The following USP12 variants were observed in gnomAD, a reference collection of about 807,000 sequenced individuals.
USP12 encodes ubiquitin specific peptidase 12, also known as ubiquitin carboxyl-terminal hydrolase 12.
In USP12, 19 loss-of-function variants were observed where a neutral mutation model predicts 45.5. The ratio of observed to expected loss-of-function variants is 0.42; its 90% CI spans 0.29 to 0.61. USP12 has a LOEUF of 0.61. USP12 is among the 20% of genes least tolerant of loss of function. The probability of loss-of-function intolerance (pLI) is 0.22; values close to 1 mark genes in which losing one functional copy is unlikely to be tolerated. For missense variants in USP12, 242 were observed against 447.7 expected, an observed-to-expected ratio of 0.54 and a Z score of 4.15; for synonymous variants, 149 against 148.8, an observed-to-expected ratio of 1.00 and a Z score of -0.01.
intron 1 of USP12, among the ~76,000 whole-genome samples, chr13:27,171,224 G>A (rs1157287061): frequency 6.7e-6 from 1 of 148,254 alleles, no homozygotes; most frequent in South Asian, 2.1e-4. Context: ...CCCTCACCCC[G>A]GCACAGGCCG....
chr13:27,125,691 C>T (rs527496063), intron 1 of USP12, among the ~76,000 whole-genome samples: 6 of 152,292 alleles, frequency 3.9e-5, no homozygotes, highest in African/African-American at 1.4e-4. Context: ...CAAGGGATTT[C>T]CCTTTCCTAG....
chr13:27,152,941 CAAAA>C (rs11306580), intron 1 of USP12, among the ~76,000 whole-genome samples: 3 of 92,832 alleles, frequency 3.2e-5, no homozygotes, highest in African/African-American at 4.3e-5. Flanking sequence ...GACTCCGTCT[CAAAA>C]AAAAAAAAAA....
intron 3 of USP12, among the ~76,000 whole-genome samples, chr13:27,105,271 C>T (rs1469442165): frequency 6.6e-6 from 1 of 152,148 alleles, no homozygotes; most frequent in East Asian, 1.9e-4. Context: ...GAGTGTGGCT[C>T]CTGGCAAGCC....
At chr13:27,096,060 A>C (rs892124049) in intron 3 of USP12, among the ~76,000 whole-genome samples, 6 of 152,244 alleles carry the variant, frequency 3.9e-5, no homozygotes, top group African/African-American at 1.4e-4. Flanking sequence ...TCCTGAGAAA[A>C]GGGCAAAACC....
intron 4 of USP12, among the ~76,000 whole-genome samples, chr13:27,093,830 A>G (rs988891462): frequency 6.6e-6 from 1 of 152,216 alleles, no homozygotes; most frequent in African/African-American, 2.4e-5. Flanking sequence ...TACAGTGGAA[A>G]TGTTGCTCAG....
At chr13:27,080,617 G>A (rs1410985736) in intron 6 of USP12, among the ~76,000 whole-genome samples, 5 of 152,186 alleles carry the variant, frequency 3.3e-5, no homozygotes, top group Admixed American at 3.3e-4. Context: ...AAGGAGCTTA[G>A]CTCCCAGCGT....
intron 6 of USP12, among the ~76,000 whole-genome samples, chr13:27,086,187 AAAAAAAAAAAATATATAT>A (rs1218256249): frequency 2.7e-5 from 2 of 72,882 alleles, no homozygotes; most frequent in African/African-American, 4.5e-5. Flanking sequence ...AAAAAAAAAA[AAAAAAAAAAAATATATAT>A]ATATATATAT....
chr13:27,163,152 A>C (rs1317234054), intron 1 of USP12, among the ~76,000 whole-genome samples: 1 of 152,076 alleles, frequency 6.6e-6, no homozygotes, highest in African/African-American at 2.4e-5. Context: ...ATTTTTACCA[A>C]CTCCATTGTT....
chr13:27,088,901 T>C (rs1874190214), intron 6 of USP12, among the ~76,000 whole-genome samples: 2 of 152,128 alleles, frequency 1.3e-5, no homozygotes. Flanking sequence ...CTCCAACACA[T>C]GGCACAAATC....
At chr13:27,106,813 ATGT>A (rs1271298930) in intron 2 of USP12, among the ~76,000 whole-genome samples, 1 of 152,150 alleles carries the variant, frequency 6.6e-6, no homozygotes, top group Non-Finnish European at 1.5e-5. Context: ...CTCTGAAAGA[ATGT>A]TGTTATAAAA....
chr13:27,130,163 C>T (rs1427902584), intron 1 of USP12, among the ~76,000 whole-genome samples: 1 of 152,162 alleles, frequency 6.6e-6, no homozygotes, highest in Non-Finnish European at 1.5e-5. Flanking sequence ...GCAGCGGGAA[C>T]CTTGCCCTCA....
At chr13:27,161,168 A>C (rs574601023) in intron 1 of USP12, among the ~76,000 whole-genome samples, 2 of 152,314 alleles carry the variant, frequency 1.3e-5, no homozygotes, top group Admixed American at 6.5e-5. Context: ...CTCTTCATTA[A>C]GCAAATTAAA....
chr13:27,095,250 C>A (rs1593181311), intron 4 of USP12, among the ~76,000 whole-genome samples: 1 of 152,032 alleles, frequency 6.6e-6, no homozygotes, highest in African/African-American at 2.4e-5. Context: ...TAAAGGTAAT[C>A]GTAGAAAAAG....
At chr13:27,120,667 GAATT>G (rs1172148394) in intron 1 of USP12, among the ~76,000 whole-genome samples, 191 of 151,312 alleles carry the variant, frequency 1.3e-3, no homozygotes, top group Middle Eastern at 3.4e-3. Flanking sequence ...ATAGGTATCA[GAATT>G]AATTTATTTT....
intron 1 of USP12, among the ~76,000 whole-genome samples, chr13:27,119,852 T>G (rs1225962369): frequency 6.6e-6 from 1 of 152,220 alleles, no homozygotes; most frequent in Admixed American, 6.5e-5. Context: ...CATAGCACCA[T>G]AAACTATGCC....
chr13:27,153,433 T>C (rs770679757), intron 1 of USP12, among the ~76,000 whole-genome samples: 1 of 152,212 alleles, frequency 6.6e-6, no homozygotes, highest in South Asian at 2.1e-4. Flanking sequence ...AGTAATGAAA[T>C]AGAAATATTT....
chr13:27,125,619 A>C (rs1382183903), intron 1 of USP12, among the ~76,000 whole-genome samples: 1 of 152,218 alleles, frequency 6.6e-6, no homozygotes, highest in East Asian at 1.9e-4. Context: ...CAGTGGGTAC[A>C]GTCCACGGAG....
chr13:27,070,486 T>A (rs923036951), intron 8 of USP12, among the ~76,000 whole-genome samples: 3 of 151,848 alleles, frequency 2.0e-5, no homozygotes, highest in African/African-American at 7.2e-5. Context: ...CTTTACTGTA[T>A]GTATGTTACA....
intron 6 of USP12, among the ~76,000 whole-genome samples, chr13:27,085,338 G>C (rs570456370): frequency 2.2e-4 from 34 of 152,008 alleles, no homozygotes; most frequent in Admixed American, 3.9e-4. Flanking sequence ...GTGCCACCAC[G>C]CCTGGCTAAT....
Sources: gnomAD v4.1 joint callset for allele counts (sites outside exome capture counted in the v4.1 genomes callset) on GRCh38, gnomAD v4.1.1 for gene constraint, MANE v1.5 for transcripts, NCBI Gene and HGNC (gene_info 2026-07-23, HGNC 2026-07-21) for gene names.